SMYD3: variants seen among roughly 807,000 people sequenced by gnomAD.
The protein encoded by SMYD3 is SET and MYND domain containing 3.
Under a neutral mutation model 57.7 loss-of-function variants are expected in SMYD3, and 36 were observed. The observed-to-expected ratio is 0.62, with a 90% CI of 0.48 to 0.82. The LOEUF is 0.82. Ranked by LOEUF, SMYD3 falls within the 40% of genes least tolerant of loss-of-function variation. The pLI is 0.00. For synonymous variants in SMYD3, 211 were observed against 195.0 expected, an observed-to-expected ratio of 1.08 and a Z score of -0.68; for missense variants, 515 against 538.8, an observed-to-expected ratio of 0.96 and a Z score of 0.44.
intron 1 of SMYD3, among the ~76,000 whole-genome samples, chr1:246,500,041 G>A (rs962714402): frequency 3.1e-5 from 3 of 96,496 alleles, no homozygotes; most frequent in Admixed American, 1.2e-4. Context: ...TGATAATGCT[G>A]GATTCTGCAC....
chr1:246,292,742 T>C (rs1233555074), intron 5 of SMYD3, among the ~76,000 whole-genome samples: 1 of 152,074 alleles, frequency 6.6e-6, no homozygotes, highest in African/African-American at 2.4e-5. Context: ...AACCTATTAC[T>C]TGAGAGCATT....
rs75386734 is a variant in SMYD3 at position 246,333,265 on chromosome 1, G to C, written c.336+2102C>G. Among the ~76,000 whole-genome samples the C allele has an allele frequency of 9.8e-5, 15 of 152,288 alleles. No individual in the cohort carries two copies. In the East Asian group the frequency reaches 2.5e-3, roughly 25 times the overall value. On this transcript the variant is annotated intron_variant, in intron 3 of 11. Transcript: ENST00000490107. ...GTCAAGACTTCAGTAGAGGAAGTAA[G>C]TGTAGATGTGATAGCAAGAACGAAG...
chr1:246,505,236 T>C (rs1434024952), intron 1 of SMYD3, among the ~76,000 whole-genome samples: 1 of 152,186 alleles, frequency 6.6e-6, no homozygotes, highest in Admixed American at 6.5e-5. Context: ...CGGTGGGAAG[T>C]AGAGTGAGCC....
intron 10 of SMYD3, among the ~76,000 whole-genome samples, chr1:245,850,304 C>T (rs144596814): frequency 1.3e-5 from 2 of 152,250 alleles, no homozygotes; most frequent in African/African-American, 4.8e-5. Context: ...ATAAAGAACC[C>T]GAAAGTGTTT....
rs542420415 is a variant in SMYD3, at chr1:246,233,248, C to T, written c.531+93953G>A. On this transcript the variant is annotated intron_variant, in intron 5 of 11. Coordinates refer to ENST00000490107, the MANE Select transcript of SMYD3 (RefSeq NM_001167740.2). The stretch of plus-strand genomic sequence containing the variant: ...ATATACCACACAGAGGAGAAGCACT[C>T]CTTCAATCCACACTGTGATGAATAT... 4.5e-4 allele frequency among the ~76,000 whole-genome samples: 55 copies of T among 122,716 alleles called. 5 individuals are homozygous for T. The highest frequency in any genetic ancestry group is 7.4e-4 in the Non-Finnish European group (44 of 59,300). 80.5% of individuals were successfully genotyped at this position (122,716 alleles called of 152,430 possible).
At chr1:245,772,675 AT>A (rs35641968) in intron 10 of SMYD3, among the ~76,000 whole-genome samples, 2 of 151,724 alleles carry the variant, frequency 1.3e-5, no homozygotes, top group Admixed American at 6.6e-5. Context: ...ATAAATACAT[AT>A]TTTTTTTAGA....
chr1:245,917,543 C>T (rs79319940), intron 7 of SMYD3, among the ~76,000 whole-genome samples: 16,354 of 152,120 alleles, frequency 0.11, 1,143 homozygotes, highest in East Asian at 0.39. Context: ...TACCTCAAGG[C>T]CTGTGCACTG....
chr1:246,283,270 G>GT (rs1350756825), intron 5 of SMYD3, among the ~76,000 whole-genome samples: 1 of 152,190 alleles, frequency 6.6e-6, no homozygotes, highest in African/African-American at 2.4e-5. Flanking sequence ...TGCCAAGAGT[G>GT]TAACAGTGAG....
chr1:246,058,671 G>A (rs1271728595), intron 5 of SMYD3, among the ~76,000 whole-genome samples: 1 of 152,148 alleles, frequency 6.6e-6, no homozygotes, highest in African/African-American at 2.4e-5. Context: ...ACAGCTGGCA[G>A]TCTAGAAGCC....
rs2061524244 is a variant in SMYD3 at position 246,127,331 on chromosome 1, C to CT, written c.532-197395dup. Among the ~76,000 whole-genome samples, 3 of 152,118 alleles carry CT rather than the reference C, an allele frequency of 2.0e-5. No homozygotes were observed. The South Asian group carries it at 6.2e-4, about 32-fold the overall frequency. The stretch of plus-strand genomic sequence containing the variant: ...TTCTCATTCACAGAAAAGGTGAGAA[C>CT]TTTTTTGTCAATAACTTCAACAAAG... On this transcript the variant is annotated intron_variant, in intron 5 of 11. Coordinates refer to ENST00000490107, the MANE Select transcript of SMYD3 (RefSeq NM_001167740.2).
intron 11 of SMYD3, among the ~76,000 whole-genome samples, chr1:245,758,339 A>C (rs2045697153): frequency 2.6e-5 from 4 of 152,114 alleles, no homozygotes; most frequent in Admixed American, 2.6e-4. Context: ...TCATCTGTAT[A>C]TAGAGATAAT....
intron 5 of SMYD3, among the ~76,000 whole-genome samples, chr1:246,280,288 C>T (rs2064416285): frequency 6.6e-6 from 1 of 152,168 alleles, no homozygotes; most frequent in Non-Finnish European, 1.5e-5. Context: ...TTTATAAAGT[C>T]TACCAAGTAA....
chr1:246,005,169 G>A (rs1459060823), intron 5 of SMYD3, among the ~76,000 whole-genome samples: 2 of 152,068 alleles, frequency 1.3e-5, no homozygotes, highest in Non-Finnish European at 2.9e-5. Flanking sequence ...ATTTTAAGGG[G>A]GAAACATTAC....
intron 5 of SMYD3, among the ~76,000 whole-genome samples, chr1:246,247,931 T>C (rs769606108): frequency 2.0e-5 from 3 of 152,180 alleles, no homozygotes; most frequent in Non-Finnish European, 2.9e-5. Context: ...GAAGTAAGTT[T>C]TCATGAGTGA....
chr1:246,407,637 T>C (rs1277852720), intron 1 of SMYD3, among the ~76,000 whole-genome samples: 1 of 148,738 alleles, frequency 6.7e-6, no homozygotes, highest in Non-Finnish European at 1.5e-5. Context: ...AGGTCAGGAG[T>C]TCAAGACCAG....
chr1:246,133,790 C>CA (rs1325727295), intron 5 of SMYD3, among the ~76,000 whole-genome samples: 2 of 151,552 alleles, frequency 1.3e-5, no homozygotes, highest in African/African-American at 2.4e-5. Flanking sequence ...CAACTACTGT[C>CA]AAAAAAAAGC....
At chr1:246,458,967 G>T (rs982879446) in intron 1 of SMYD3, among the ~76,000 whole-genome samples, 3 of 152,106 alleles carry the variant, frequency 2.0e-5, no homozygotes, top group African/African-American at 7.2e-5. Flanking sequence ...CTGAACTGTA[G>T]AATAGGATGT....
intron 10 of SMYD3, among the ~76,000 whole-genome samples, chr1:245,771,084 A>G (rs530963141): frequency 1.3e-5 from 2 of 152,174 alleles, no homozygotes; most frequent in South Asian, 2.1e-4. Flanking sequence ...ATACATACAT[A>G]TATATACCCA....
At chr1:246,087,987 A>G (rs2787990) in intron 5 of SMYD3, among the ~76,000 whole-genome samples, 124,707 of 152,004 alleles carry the variant, frequency 0.82, 51,626 homozygotes, top group Admixed American at 0.88. Context: ...AAAAACATAC[A>G]TCTCACTAAT....
Sources: gnomAD v4.1 joint callset for allele counts (sites outside exome capture counted in the v4.1 genomes callset) on GRCh38, gnomAD v4.1.1 for gene constraint, MANE v1.5 for transcripts, NCBI Gene and HGNC (gene_info 2026-07-23, HGNC 2026-07-21) for gene names.